Variants in NSD1 observed in about 807,000 individuals in gnomAD.
The protein encoded by NSD1 is histone-lysine N-methyltransferase, H3 lysine-36 specific.
A neutral mutation model predicts 242.7 loss-of-function variants in NSD1; 26 were observed. The ratio of observed to expected loss-of-function variants is 0.11; its 90% CI spans 0.08 to 0.15. The LOEUF (loss-of-function observed/expected upper bound fraction) is 0.15. Among genes scored for constraint, NSD1 ranks in the 10% least tolerant of loss-of-function variants. The pLI is 1.00. For synonymous variants in NSD1, 1,106 were observed against 1,178.1 expected, an observed-to-expected ratio of 0.94 and a Z score of 1.25; for missense variants, 2,495 against 3,272.8, an observed-to-expected ratio of 0.76 and a Z score of 5.80.
chr5:177,231,746 A>G (rs1765075148), intron 5 of NSD1, among the ~76,000 whole-genome samples: 1 of 151,982 alleles, frequency 6.6e-6, no homozygotes. Flanking sequence ...TAAAGGACGT[A>G]CCCAAAATTC....
rs2127291227 is a variant in NSD1 at position 177,298,251 on chromosome 5, C to T, written c.*2792C>T. On this transcript the variant is annotated 3_prime_UTR_variant, in exon 23 of 23. Coordinates refer to ENST00000439151, the MANE Select transcript of NSD1 (RefSeq NM_022455.5). The stretch of plus-strand genomic sequence containing the variant: ...GGAAATCTTTCATCTTAGAAAACTT[C>T]TGGTCCTTAACGCAGGGTGGTATTT... The T allele has an allele frequency of 4.3e-6, 1 of 233,218 alleles. No individual in the cohort carries two copies. The highest frequency in any genetic ancestry group is 6.0e-5 in the East Asian group (1 of 16,578). The allele number at this position is 233,218 out of a possible 1,614,324, so 14.4% of individuals were successfully genotyped here. A position where few individuals can be genotyped will look rare whatever the true frequency, so the allele number is the denominator to read the frequency against.
chr5:177,280,960 G>A lies in NSD1; in HGVS notation c.5892+126G>A, dbSNP rs978639483. On this transcript the variant is annotated intron_variant, in intron 18 of 22. Coordinates refer to ENST00000439151, the MANE Select transcript of NSD1 (RefSeq NM_022455.5). ...AGTTAATAATTAACCTTATTGTTGT[G>A]TCTTGCCATATCCTTCTACCGTTTA... 5 of 1,079,330 alleles carry A rather than the reference G, an allele frequency of 4.6e-6. No individual in the cohort carries two copies. The African/African-American group carries it at 6.3e-5, about 14-fold the overall frequency. 66.9% of individuals were successfully genotyped at this position (1,079,330 alleles called of 1,614,324 possible).
chr5:177,286,976 C>G (rs1049384708), intron 20 of NSD1, among the ~76,000 whole-genome samples: 1 of 152,200 alleles, frequency 6.6e-6, no homozygotes, highest in South Asian at 2.1e-4. Context: ...CCTATCAGAG[C>G]TGAGGCCTTC....
chr5:177,286,920 A>G (rs530604315), intron 20 of NSD1, among the ~76,000 whole-genome samples: 1 of 152,326 alleles, frequency 6.6e-6, no homozygotes, highest in East Asian at 1.9e-4. Flanking sequence ...GCATAGGTTC[A>G]GGATGGGGAA....
intron 2 of NSD1, among the ~76,000 whole-genome samples, chr5:177,153,749 T>G (rs1757911632): frequency 6.6e-6 from 1 of 152,192 alleles, no homozygotes; most frequent in Non-Finnish European, 1.5e-5. Context: ...TGTAAAAATT[T>G]GAAGAACTCA....
In NSD1 at chr5:177,134,839, C is replaced by A. The variant is rs1756175762; in HGVS notation, c.-17-248C>A. 6.6e-6 allele frequency among the ~76,000 whole-genome samples: 1 copy of A among 152,160 alleles called. No individual in the cohort carries two copies. The highest frequency in any genetic ancestry group is 2.1e-4 in the South Asian group (1 of 4,826). Reference sequence around the variant, plus strand: ...ATTTTAGTTCATCCCAAGTGTCCACCAGTCTACAGAGGAGGAAAAAGAGAC... The same window carrying A: ...ATTTTAGTTCATCCCAAGTGTCCACAAGTCTACAGAGGAGGAAAAAGAGAC... On this transcript the variant is annotated intron_variant, in intron 1 of 22. Transcript: ENST00000439151. The surrounding 1 kb of genome is among the most constrained non-coding windows in gnomAD (Gnocchi z 4.2).
intron 4 of NSD1, among the ~76,000 whole-genome samples, chr5:177,209,173 C>T (rs1474154717): frequency 6.6e-6 from 1 of 152,030 alleles, no homozygotes; most frequent in Non-Finnish European, 1.5e-5. Flanking sequence ...GCTGCTTGAG[C>T]TCAGGTGCTA....
At chr5:177,257,974 T>A (rs1756656333) in intron 13 of NSD1, among the ~76,000 whole-genome samples, 2 of 12,592 alleles carry the variant, frequency 1.6e-4, no homozygotes, top group Non-Finnish European at 5.6e-4. Flanking sequence ...CCCCTGGGCC[T>A]TTTTTTTTTT....
intron 4 of NSD1, among the ~76,000 whole-genome samples, chr5:177,208,345 A>G (rs1460121964): frequency 6.6e-6 from 1 of 152,152 alleles, no homozygotes; most frequent in Non-Finnish European, 1.5e-5. Flanking sequence ...GGTTATATTT[A>G]ACATTTATAG....
At chr5:177,270,629 G>T (rs778826523) in intron 16 of NSD1, among the ~76,000 whole-genome samples, 1 of 152,200 alleles carries the variant, frequency 6.6e-6, no homozygotes, top group Non-Finnish European at 1.5e-5. Context: ...CTTATGATGG[G>T]ATTACATCCA....
chr5:177,269,788 G>T lies in NSD1; in HGVS notation c.5490G>T (p.Val1830=). Residue 1830 remains valine, a synonymous_variant, in exon 16 of 23, where the codon GTG becomes GTT. Coordinates refer to ENST00000439151, the MANE Select transcript of NSD1 (RefSeq NM_022455.5). This position sits in a 1 kb window ranked among gnomAD's most constrained non-coding sequence, Gnocchi z 5.1. Reference sequence around the variant, plus strand: ...GCAAGGATAAGATGGGCAAAGGAGTGGATGGGACATATAAAAAAGGTAACT... The same window carrying T: ...GCAAGGATAAGATGGGCAAAGGAGTTGATGGGACATATAAAAAAGGTAACT... ...VSSKDKMGKG[V]DGTYKKALQE... 6.2e-7 allele frequency: 1 copy of T among 1,612,456 alleles called. No homozygotes were observed. The highest frequency in any genetic ancestry group is 8.5e-7 in the Non-Finnish European group (1 of 1,178,946).
Position 177,210,203 on chromosome 5 carries a change from T to G in NSD1, c.1804T>G (p.Cys602Gly), listed in dbSNP as rs768658200. ...GLPEGALISKCSREKNKPQRS... is the reference protein window; with the variant it reads ...GLPEGALISKGSREKNKPQRS... ...GCCTGAGGGTGCTTTGATCTCAAAG[T>G]GTTCTCGAGAGAAGAATAAACCCCA... Residue 602 changes from cysteine to glycine, a missense_variant, in exon 5 of 23, where the codon TGT (cysteine) becomes GGT (glycine). Transcript: ENST00000439151. 6.3e-7 allele frequency: 1 copy of G among 1,596,410 alleles called. No individual in the cohort carries two copies. Among genetic ancestry groups the G allele is most frequent in the East Asian group, 2.2e-5 (1 of 44,668 alleles).
chr5:177,214,372 A>G (rs1763602097), intron 5 of NSD1, among the ~76,000 whole-genome samples: 1 of 152,124 alleles, frequency 6.6e-6, no homozygotes, highest in African/African-American at 2.4e-5. Flanking sequence ...AAAAAACAGT[A>G]TTTAAGTGTG....
At position 177,269,263 on chromosome 5, in the gene NSD1, C is replaced by T. The variant is rs958737720; in HGVS notation, c.5304-339C>T. On this transcript the variant is annotated intron_variant, in intron 15 of 22. Transcript: ENST00000439151. This position sits in a 1 kb window ranked among gnomAD's most constrained non-coding sequence, Gnocchi z 5.1. ...ATACTATTATTTTCTTGATGTTGAG[C>T]ATTTATACTTTTTCCAGTTTTTCCT... 2.1e-4 allele frequency among the ~76,000 whole-genome samples: 32 copies of T among 152,070 alleles called. No individual in the cohort carries two copies. Among genetic ancestry groups the T allele is most frequent in the African/African-American group, 7.7e-4 (32 of 41,394 alleles).
chr5:177,151,370 C>T (rs1233522845), intron 2 of NSD1, among the ~76,000 whole-genome samples: 2 of 152,064 alleles, frequency 1.3e-5, no homozygotes, highest in Non-Finnish European at 2.9e-5. Flanking sequence ...GACAACACAG[C>T]GAGACTCAGT....
At position 177,300,115 on chromosome 5, in the gene NSD1, G is replaced by T; in HGVS notation, c.*4656G>T. ...TGTAAGTGAAACTCCTAGTGAAAAA[G>T]AGGGGAGCCCTGTGTTAGGAGTCCC... On this transcript the variant is annotated 3_prime_UTR_variant, in exon 23 of 23. Transcript: ENST00000439151. 5.3e-6 allele frequency: 1 copy of T among 188,210 alleles called. No homozygotes were observed. The highest frequency in any genetic ancestry group is 1.0e-5 in the Non-Finnish European group (1 of 99,480). 11.7% of individuals were successfully genotyped at this position (188,210 alleles called of 1,614,324 possible).
At position 177,156,484 on chromosome 5, in the gene NSD1, G is replaced by A. The variant is rs1685906508; in HGVS notation, c.927+20454G>A. Among the ~76,000 whole-genome samples, 3 of 152,122 alleles carry A rather than the reference G, an allele frequency of 2.0e-5. No individual in the cohort carries two copies. In the South Asian group the frequency reaches 6.2e-4, roughly 32 times the overall value. ...GTAAGCCTCCGCCGGGCCTTTTTTA[G>A]ATTTTTAAGAGAATTTTTGTTAAAG... On this transcript the variant is annotated intron_variant, in intron 2 of 22. Transcript: ENST00000439151.
intron 3 of NSD1, among the ~76,000 whole-genome samples, chr5:177,195,922 C>T (rs1762073961): frequency 6.6e-6 from 1 of 152,042 alleles, no homozygotes; most frequent in Non-Finnish European, 1.5e-5. Flanking sequence ...AAATTAGAAT[C>T]TAGTATAAGG....
At chr5:177,207,026 T>C (rs1346507029) in intron 4 of NSD1, among the ~76,000 whole-genome samples, 2 of 151,946 alleles carry the variant, frequency 1.3e-5, no homozygotes, top group Admixed American at 1.3e-4. Flanking sequence ...AACCTCTGCC[T>C]CCTGGGTTCA....
Sources: allele counts gnomAD v4.1 joint callset (sites outside exome capture counted in the v4.1 genomes callset), GRCh38; gene constraint gnomAD v4.1.1; non-coding constraint Gnocchi (gnomAD v3.1); transcripts MANE v1.5; gene names NCBI Gene and HGNC (gene_info 2026-07-23, HGNC 2026-07-21).